Variants in AGBL4 observed in about 807,000 individuals in gnomAD.
AGBL4 encodes AGBL carboxypeptidase 4, also known as cytosolic carboxypeptidase 6.
A neutral mutation model predicts 66.4 loss-of-function variants in AGBL4; 58 were observed. That is an observed-to-expected ratio of 0.87 (90% CI 0.71 to 1.09). The LOEUF is 1.09. AGBL4 is among the 50% of genes least tolerant of loss of function. The pLI is 0.00. For missense variants in AGBL4, 579 were observed against 631.0 expected, an observed-to-expected ratio of 0.92 and a Z score of 0.88; for synonymous variants, 234 against 222.9, an observed-to-expected ratio of 1.05 and a Z score of -0.44.
At chr1:49,090,838 T>C (rs1644990422) in intron 4 of AGBL4, among the ~76,000 whole-genome samples, 2 of 152,150 alleles carry the variant, frequency 1.3e-5, no homozygotes, top group East Asian at 1.9e-4. Flanking sequence ...CTTCAAACTA[T>C]ATTACAAGGC....
At chr1:49,564,779 T>C (rs1456085177) in intron 3 of AGBL4, among the ~76,000 whole-genome samples, 1 of 152,230 alleles carries the variant, frequency 6.6e-6, no homozygotes, top group Non-Finnish European at 1.5e-5. Flanking sequence ...AGAATGTATA[T>C]TCTGTTGATT....
At chr1:49,957,303 T>C (rs2148335266) in intron 1 of AGBL4, among the ~76,000 whole-genome samples, 1 of 152,236 alleles carries the variant, frequency 6.6e-6, no homozygotes, top group Admixed American at 6.5e-5. Flanking sequence ...TTGGAATAAG[T>C]GCGATGTGGT....
At chr1:49,857,417 C>A (rs1646462855) in intron 1 of AGBL4, among the ~76,000 whole-genome samples, 1 of 151,980 alleles carries the variant, frequency 6.6e-6, no homozygotes, top group African/African-American at 2.4e-5. Flanking sequence ...AAATAGCCAA[C>A]AACATTGAGC....
chr1:49,815,906 T>G (rs919967372), intron 2 of AGBL4, among the ~76,000 whole-genome samples: 1 of 152,062 alleles, frequency 6.6e-6, no homozygotes, highest in Non-Finnish European at 1.5e-5. Context: ...CATCTTTTTT[T>G]TCAGTGGGAG....
At chr1:49,080,866 C>A (rs1258759739) in intron 4 of AGBL4, among the ~76,000 whole-genome samples, 1 of 152,114 alleles carries the variant, frequency 6.6e-6, no homozygotes, top group Non-Finnish European at 1.5e-5. Context: ...TTCATATCAA[C>A]TTTTCTGAAA....
intron 4 of AGBL4, among the ~76,000 whole-genome samples, chr1:49,146,560 C>T (rs1646221994): frequency 6.6e-6 from 1 of 152,120 alleles, no homozygotes; most frequent in African/African-American, 2.4e-5. Context: ...AAACACCTAG[C>T]TGAGAGAAAA....
intron 4 of AGBL4, among the ~76,000 whole-genome samples, chr1:49,214,772 A>G (rs1269660467): frequency 6.6e-6 from 1 of 152,128 alleles, no homozygotes; most frequent in Non-Finnish European, 1.5e-5. Flanking sequence ...CTGTTTAGAA[A>G]AAAGATTGAA....
chr1:50,002,665 G>C (rs12082075), intron 1 of AGBL4, among the ~76,000 whole-genome samples: 14,000 of 152,102 alleles, frequency 0.092, 854 homozygotes, highest in African/African-American at 0.16. Flanking sequence ...CACCGCGCCC[G>C]GCCAGCCCTA....
chr1:49,419,925 C>A (rs540367250), intron 3 of AGBL4, among the ~76,000 whole-genome samples: 1 of 152,190 alleles, frequency 6.6e-6, no homozygotes, highest in Non-Finnish European at 1.5e-5. Flanking sequence ...ATTCTTGAAC[C>A]AACAGCATCA....
At chr1:49,773,561 C>T (rs1364912535) in intron 2 of AGBL4, among the ~76,000 whole-genome samples, 1 of 152,174 alleles carries the variant, frequency 6.6e-6, no homozygotes, top group Non-Finnish European at 1.5e-5. Context: ...TCATCTGCAA[C>T]ACCTGTGATA....
chr1:49,538,379 A>G (rs12741589), intron 3 of AGBL4, among the ~76,000 whole-genome samples: 60,933 of 152,154 alleles, frequency 0.4, 15,545 homozygotes, highest in Non-Finnish European at 0.57. Context: ...CATAACAGAC[A>G]TTGGAGACTT....
At chr1:49,175,342 G>A (rs976684536) in intron 4 of AGBL4, among the ~76,000 whole-genome samples, 1 of 151,916 alleles carries the variant, frequency 6.6e-6, no homozygotes, top group African/African-American at 2.4e-5. Context: ...ATATGGAAGG[G>A]ATGGACTGAA....
At chr1:49,809,453 G>A (rs1445326377) in intron 2 of AGBL4, among the ~76,000 whole-genome samples, 1 of 152,006 alleles carries the variant, frequency 6.6e-6, no homozygotes, top group Non-Finnish European at 1.5e-5. Flanking sequence ...TAAAGAGTTG[G>A]TGGAACTATT....
At chr1:48,761,133 A>G (rs1476027642) in intron 6 of AGBL4, 1 of 553,210 alleles carries the variant, frequency 1.8e-6, no homozygotes, top group Non-Finnish European at 3.2e-6. Context: ...TTGGTGGCAC[A>G]GCATGAATCA....
intron 11 of AGBL4, among the ~76,000 whole-genome samples, chr1:48,558,805 G>A (rs1304808146): frequency 2.6e-5 from 4 of 152,286 alleles, no homozygotes; most frequent in East Asian, 1.9e-4. Flanking sequence ...TGAGTTTTAT[G>A]AGCTAATTAA....
At position 48,590,890 on chromosome 1, in the gene AGBL4, G is replaced by T; in HGVS notation, c.1047C>A (p.Phe349Leu). 1 of 1,608,028 alleles carries T rather than the reference G, an allele frequency of 6.2e-7. No homozygotes were observed. Among genetic ancestry groups the T allele is most frequent in the Non-Finnish European group, 8.5e-7 (1 of 1,177,370 alleles). ...GCTTGGGAAAAATGGCCTGCCTCTG[G>T]AACCGTTCCTCATCCTCAAAGATGT... ...YGNIFEDEER[F>L]QRQAIFPKLL... Residue 349 changes from phenylalanine to leucine, a missense_variant, in exon 10 of 14, where the codon TTC becomes TTA. Physicochemically the swap from Phe to Leu is conservative, Grantham distance 22 (BLOSUM62 0). Transcript: ENST00000371839.
chr1:49,227,448 T>C (rs1650000017), intron 4 of AGBL4, among the ~76,000 whole-genome samples: 1 of 152,170 alleles, frequency 6.6e-6, no homozygotes, highest in South Asian at 2.1e-4. Flanking sequence ...AAAAAAGTCA[T>C]CTTCCATTCT....
chr1:49,367,554 A>G (rs1377208299), intron 3 of AGBL4, among the ~76,000 whole-genome samples: 5 of 152,158 alleles, frequency 3.3e-5, no homozygotes, highest in Non-Finnish European at 7.3e-5. Context: ...CCTTTATAGT[A>G]ACACAAAGTA....
chr1:49,297,000 G>C (rs1644656247), intron 3 of AGBL4, among the ~76,000 whole-genome samples: 1 of 152,196 alleles, frequency 6.6e-6, no homozygotes, highest in South Asian at 2.1e-4. Context: ...TGGCTGGTCA[G>C]CATTTTTAAT....
Sources: gnomAD v4.1 joint callset for allele counts (sites outside exome capture counted in the v4.1 genomes callset) on GRCh38, gnomAD v4.1.1 for gene constraint, MANE v1.5 for transcripts, NCBI Gene and HGNC (gene_info 2026-07-23, HGNC 2026-07-21) for gene names.